Variants in NALF1 observed in about 807,000 individuals in gnomAD.
The protein encoded by NALF1 is family with sequence similarity 155 member A.
A neutral mutation model predicts 48.4 loss-of-function variants in NALF1; 3 were observed. That is an observed-to-expected ratio of 0.06 (90% confidence interval 0.03 to 0.16). The LOEUF (loss-of-function observed/expected upper bound fraction) is 0.16. Among genes scored for constraint, NALF1 ranks in the 10% least tolerant of loss-of-function variants. NALF1 has a pLI of 1.00. For synonymous variants in NALF1, 262 were observed against 245.7 expected, an observed-to-expected ratio of 1.07 and a Z score of -0.62; for missense variants, 526 against 571.5, an observed-to-expected ratio of 0.92 and a Z score of 0.81.
chr13:107,635,143 C>A (rs1028370069), intron 1 of NALF1, among the ~76,000 whole-genome samples: 1 of 152,118 alleles, frequency 6.6e-6, no homozygotes, highest in Non-Finnish European at 1.5e-5. Flanking sequence ...TTTCACACAC[C>A]TGCAAACTCA....
chr13:107,585,122 T>C (rs9520498), intron 1 of NALF1, among the ~76,000 whole-genome samples: 26,337 of 152,154 alleles, frequency 0.17, 2,337 homozygotes, highest in Middle Eastern at 0.27. Context: ...GAAAGAGATA[T>C]GTTTTATCTA....
chr13:107,308,199 CTT>C (rs772161115), intron 1 of NALF1, among the ~76,000 whole-genome samples: 3 of 98,166 alleles, frequency 3.1e-5, no homozygotes, highest in Non-Finnish European at 2.0e-5. Flanking sequence ...TGTGTCTATG[CTT>C]TTTTTTTTTT....
Position 107,866,880 on chromosome 13 carries a change from T to C in NALF1, c.-284A>G. ...AATCATCAGCCGACCCCATCCTCTG[T>C]AGAGTGGGAAACAATAATGGAGAGA... On this transcript the variant is annotated 5_prime_UTR_variant, in exon 1 of 3. Coordinates refer to ENST00000375915, the MANE Select transcript of NALF1 (RefSeq NM_001080396.3). The surrounding 1 kb of genome is among the most constrained non-coding windows in gnomAD (Gnocchi z 4.4). The C allele has an allele frequency of 2.2e-6, 1 of 446,324 alleles. No homozygotes were observed. The highest frequency in any genetic ancestry group is 4.0e-6 in the Non-Finnish European group (1 of 252,656). 27.6% of individuals were successfully genotyped at this position (446,324 alleles called of 1,614,324 possible). A position where few individuals can be genotyped will look rare whatever the true frequency, so the allele number is the denominator to read the frequency against.
chr13:107,715,821 C>A lies in NALF1; in HGVS notation c.915+149861G>T, dbSNP rs574006363. On this transcript the variant is annotated intron_variant, in intron 1 of 2. Coordinates refer to ENST00000375915, the MANE Select transcript of NALF1 (RefSeq NM_001080396.3). ...ATTATGCTGGATTAGCAATAAGGAA[C>A]CTTTTTTTGAAATGTTTTTAAAATG... Among the ~76,000 whole-genome samples the A allele has an allele frequency of 1.1e-4, 16 of 152,210 alleles. No homozygotes were observed. In the South Asian group the frequency reaches 1.9e-3, roughly 18 times the overall value.
At chr13:107,607,581 T>C (rs779562304) in intron 1 of NALF1, among the ~76,000 whole-genome samples, 29 of 152,156 alleles carry the variant, frequency 1.9e-4, no homozygotes, top group Non-Finnish European at 4.0e-4. Flanking sequence ...CAGAGGGTTA[T>C]TATTTCTTTG....
At chr13:107,465,313 TTATATA>T (rs56340741) in intron 1 of NALF1, among the ~76,000 whole-genome samples, 90,592 of 149,584 alleles carry the variant, frequency 0.61, 28,501 homozygotes, top group Middle Eastern at 0.75. Context: ...AACTGTATAA[TTATATA>T]TATATATATA....
chr13:107,554,782 A>G (rs1594126313), intron 1 of NALF1, among the ~76,000 whole-genome samples: 1 of 152,140 alleles, frequency 6.6e-6, no homozygotes, highest in Admixed American at 6.5e-5. Context: ...CGACCTCTCC[A>G]GCCACCACTG....
intron 1 of NALF1, among the ~76,000 whole-genome samples, chr13:107,595,017 C>T (rs1200545722): frequency 6.6e-6 from 1 of 152,060 alleles, no homozygotes; most frequent in Admixed American, 6.6e-5. Flanking sequence ...TTTTAAATAT[C>T]CCAATAATTA....
intron 1 of NALF1, among the ~76,000 whole-genome samples, chr13:107,283,804 C>T (rs577621801): frequency 3.5e-4 from 53 of 151,770 alleles, no homozygotes; most frequent in African/African-American, 1.0e-3. Context: ...GGACTACAGG[C>T]GCCCGCCACT....
At chr13:107,747,589 G>A (rs988365760) in intron 1 of NALF1, among the ~76,000 whole-genome samples, 6 of 152,130 alleles carry the variant, frequency 3.9e-5, no homozygotes, top group African/African-American at 1.4e-4. Context: ...AGGGAGTCTT[G>A]GGAACTAGTG....
At chr13:107,458,348 C>A (rs1331189746) in intron 1 of NALF1, among the ~76,000 whole-genome samples, 2 of 152,238 alleles carry the variant, frequency 1.3e-5, no homozygotes, top group African/African-American at 4.8e-5. Flanking sequence ...CCCCACTCAA[C>A]AAGAGTGCTA....
At chr13:107,328,186 G>A (rs1566486465) in intron 1 of NALF1, among the ~76,000 whole-genome samples, 1 of 151,742 alleles carries the variant, frequency 6.6e-6, no homozygotes, top group Non-Finnish European at 1.5e-5. Flanking sequence ...CCAAAGTGCT[G>A]GGATTACAGC....
chr13:107,411,009 G>A (rs1883980467), intron 1 of NALF1, among the ~76,000 whole-genome samples: 1 of 152,096 alleles, frequency 6.6e-6, no homozygotes, highest in Non-Finnish European at 1.5e-5. Context: ...AACTAGCAAT[G>A]GAAATGCTTG....
chr13:107,289,324 C>T (rs1030593677), intron 1 of NALF1, among the ~76,000 whole-genome samples: 6 of 152,296 alleles, frequency 3.9e-5, no homozygotes, highest in African/African-American at 4.8e-5. Context: ...TATATGCTCT[C>T]TGAAGCATCA....
At chr13:107,599,575 A>T (rs1440555159) in intron 1 of NALF1, among the ~76,000 whole-genome samples, 1 of 152,180 alleles carries the variant, frequency 6.6e-6, no homozygotes, top group East Asian at 1.9e-4. Flanking sequence ...CGTTATTGCT[A>T]GATTTTTTAA....
chr13:107,832,302 T>C (rs1879759444), intron 1 of NALF1, among the ~76,000 whole-genome samples: 1 of 151,940 alleles, frequency 6.6e-6, no homozygotes, highest in Non-Finnish European at 1.5e-5. Context: ...ATATCATTCA[T>C]AGGCAAAAAT....
chr13:107,782,539 C>G (rs1011553588), intron 1 of NALF1, among the ~76,000 whole-genome samples: 21 of 151,384 alleles, frequency 1.4e-4, no homozygotes, highest in Non-Finnish European at 2.2e-4. Flanking sequence ...AGGAGCCCCT[C>G]TGCCTGGCTG....
In NALF1 at chr13:107,169,346, T is replaced by A. The variant is rs1345239369; in HGVS notation, c.*1151A>T. On this transcript the variant is annotated 3_prime_UTR_variant, in exon 3 of 3. Transcript: ENST00000375915. ...TTGTGTATATTCTGTATATTGCAGG[T>A]GTTTGAGCATTTCTAGTGTCTCTTC... The A allele has an allele frequency of 6.6e-6, 1 of 152,208 alleles. No individual in the cohort carries two copies. The highest frequency in any genetic ancestry group is 1.5e-5 in the Non-Finnish European group (1 of 68,030). The allele number at this position is 152,208 out of a possible 1,614,324, so 9.4% of individuals were successfully genotyped here.
chr13:107,478,447 T>C (rs985677053), intron 1 of NALF1, among the ~76,000 whole-genome samples: 2 of 152,066 alleles, frequency 1.3e-5, no homozygotes, highest in Non-Finnish European at 2.9e-5. Flanking sequence ...AAATAAAATA[T>C]AACATATCAA....
Sources: gnomAD v4.1 joint callset for allele counts (sites outside exome capture counted in the v4.1 genomes callset) on GRCh38, gnomAD v4.1.1 for gene constraint, Gnocchi (gnomAD v3.1) non-coding constraint, MANE v1.5 for transcripts, NCBI Gene and HGNC (gene_info 2026-07-23, HGNC 2026-07-21) for gene names.